The following B4GALT4 variants were observed in gnomAD, a reference collection of about 807,000 sequenced individuals.
The protein encoded by B4GALT4 is beta-1,4-galactosyltransferase 4, also known as N-acetyllactosamine synthase.
In B4GALT4, 27 loss-of-function variants were observed where a neutral mutation model predicts 37.3. The observed-to-expected ratio is 0.72, with a 90% CI of 0.53 to 1.00. B4GALT4 has a LOEUF of 1.00. B4GALT4 is among the 50% of genes least tolerant of loss of function. B4GALT4 has a pLI of 0.00. For synonymous variants in B4GALT4, 148 were observed against 154.1 expected, an observed-to-expected ratio of 0.96 and a Z score of 0.29; for missense variants, 372 against 413.1, an observed-to-expected ratio of 0.90 and a Z score of 0.86.
At chr3:119,238,054 G>A (rs911792358) in intron 1 of B4GALT4, among the ~76,000 whole-genome samples, 3 of 152,040 alleles carry the variant, frequency 2.0e-5, no homozygotes, top group African/African-American at 7.2e-5. Context: ...ATCACTTGAG[G>A]CCAGGAGTTC....
chr3:119,215,384 C>T (rs2078262539), intron 7 of B4GALT4: 1 of 153,034 alleles, frequency 6.5e-6, no homozygotes, highest in Non-Finnish European at 1.5e-5. Context: ...GCCAGGGACT[C>T]TCGGGCCTTT....
intron 5 of B4GALT4, among the ~76,000 whole-genome samples, chr3:119,222,890 C>G (rs868092191): frequency 6.6e-6 from 1 of 152,178 alleles, no homozygotes; most frequent in African/African-American, 2.4e-5. Flanking sequence ...AGCTTACACA[C>G]AGCCGGGGTT....
chr3:119,219,073 A>G (rs754887191), intron 5 of B4GALT4, among the ~76,000 whole-genome samples: 6 of 152,194 alleles, frequency 3.9e-5, no homozygotes, highest in Non-Finnish European at 8.8e-5. Context: ...TCAGATATTG[A>G]TAAGATTTCA....
chr3:119,216,415 T>C lies in B4GALT4; in HGVS notation c.798-71A>G, dbSNP rs1050477784. 6.2e-6 allele frequency: 7 copies of C among 1,127,928 alleles called. 1 individual carries two copies. The highest frequency in any genetic ancestry group is 2.2e-5 in the Admixed American group (1 of 45,728). 69.9% of individuals were successfully genotyped at this position (1,127,928 alleles called of 1,614,324 possible). On this transcript the variant is annotated intron_variant, in intron 6 of 7. Coordinates refer to ENST00000393765, the MANE Select transcript of B4GALT4 (RefSeq NM_003778.4). ...ACCACTAGGCAAATAAAAAGCATCA[T>C]TTGCGAAAATTTATACACACACACG... is the stretch of plus-strand genomic sequence containing the variant.
chr3:119,229,758 C>T, intron 3 of B4GALT4, 89 bp downstream of exon 3: 6 of 1,336,720 alleles, frequency 4.5e-6, no homozygotes, highest in African/African-American at 1.5e-5. Flanking sequence ...TTATGGGGTA[C>T]ATGAGATGTT....
intron 5 of B4GALT4, among the ~76,000 whole-genome samples, chr3:119,220,023 G>A (rs2078404096): frequency 6.6e-6 from 1 of 152,156 alleles, no homozygotes; most frequent in Non-Finnish European, 1.5e-5. Context: ...CAAACAAGTG[G>A]CATCCCAAAA....
At chr3:119,224,853 T>G (rs577891693) in intron 4 of B4GALT4, among the ~76,000 whole-genome samples, 1 of 152,340 alleles carries the variant, frequency 6.6e-6, no homozygotes, top group South Asian at 2.1e-4. Context: ...AAATTTTCTC[T>G]TAAAATTTTA....
At chr3:119,237,369 G>A (rs2079015457) in intron 1 of B4GALT4, among the ~76,000 whole-genome samples, 1 of 152,202 alleles carries the variant, frequency 6.6e-6, no homozygotes, top group Admixed American at 6.5e-5. Flanking sequence ...ATGCATGAAT[G>A]GCTTTTGACA....
In B4GALT4 at chr3:119,226,961, G is replaced by A. The variant is rs781226310; in HGVS notation, c.334C>T (p.Arg112Trp). ...GCTTTACATTCCTGAGGGCGATACC[G>A]GCCTCTGGACACTTTGGGATTTTCT... is the stretch of plus-strand genomic sequence containing the variant. ...QAENPKVSRG[R>W]YRPQECKALQ... Residue 112 changes from arginine to tryptophan, a missense_variant, in exon 4 of 8, where the codon CGG (arginine) becomes TGG (tryptophan). Physicochemically the swap from Arg to Trp is moderately radical, Grantham distance 101 (BLOSUM62 -3). Transcript: ENST00000393765. 22 of 1,614,010 alleles carry A rather than the reference G, an allele frequency of 1.4e-5. No homozygotes were observed. Among genetic ancestry groups the A allele is most frequent in the Middle Eastern group, 1.6e-4 (1 of 6,084 alleles).
chr3:119,232,744 A>C (rs1373955575), intron 2 of B4GALT4, among the ~76,000 whole-genome samples: 1 of 152,186 alleles, frequency 6.6e-6, no homozygotes, highest in African/African-American at 2.4e-5. Flanking sequence ...AGGATTGGCA[A>C]TTTTTAAAAT....
chr3:119,239,220 G>A (rs2079074843), intron 1 of B4GALT4, among the ~76,000 whole-genome samples: 1 of 151,792 alleles, frequency 6.6e-6, no homozygotes. Flanking sequence ...CAGCTACTCG[G>A]GAGGCTGAGG....
rs761517196 is a variant in B4GALT4 at position 119,229,860 on chromosome 3, C to T, written c.240G>A (p.Val80=). ...AGCAACACTTACTGAGGTAAGGAGA[C>T]ACAGAAGGGCAGTTGTCAAGTTCTA... ...KKVELDNCPS[V]SPYLRGQSKL... is the part of the protein sequence containing the mutation. The change falls in exon 3 of 8, where the codon GTG becomes GTA. Residue 80 remains valine, a synonymous_variant. Coordinates refer to ENST00000393765, the MANE Select transcript of B4GALT4 (RefSeq NM_003778.4). 15 of 1,613,966 alleles carry T rather than the reference C, an allele frequency of 9.3e-6. No individual in the cohort carries two copies. Among genetic ancestry groups the T allele is most frequent in the Middle Eastern group, 3.3e-4 (2 of 6,084 alleles).
At chr3:119,221,498 C>T (rs1005436435) in intron 5 of B4GALT4, among the ~76,000 whole-genome samples, 1 of 152,222 alleles carries the variant, frequency 6.6e-6, no homozygotes, top group African/African-American at 2.4e-5. Flanking sequence ...TGGAAATGAA[C>T]TTGCCTGCCA....
chr3:119,219,246 G>C (rs777384994), intron 5 of B4GALT4, among the ~76,000 whole-genome samples: 3 of 152,148 alleles, frequency 2.0e-5, no homozygotes, highest in Non-Finnish European at 4.4e-5. Flanking sequence ...GCAGGAGACA[G>C]CTCCCGCACA....
At chr3:119,220,042 G>T (rs1328178940) in intron 5 of B4GALT4, among the ~76,000 whole-genome samples, 2 of 152,202 alleles carry the variant, frequency 1.3e-5, no homozygotes, top group East Asian at 3.8e-4. Flanking sequence ...AAGCTAATCT[G>T]TAGTTCAGTT....
chr3:119,235,196 AAT>A (rs1267291656), intron 2 of B4GALT4: 2 of 152,232 alleles, frequency 1.3e-5, no homozygotes, highest in Admixed American at 6.5e-5. Context: ...GATTTTCCAT[AAT>A]AGTTTTTAAA....
At position 119,218,688 on chromosome 3, in the gene B4GALT4, G is replaced by A. The variant is rs1489510424; in HGVS notation, c.759C>T (p.Tyr253=). The change falls in exon 6 of 8, where the codon TAC becomes TAT. Residue 253 remains tyrosine (Y), a synonymous_variant. Transcript: ENST00000393765. The part of the protein sequence containing the change: ...FFKVNGFSNN[Y]WGWGGEDDDL... ...CATCGTCTTCGCCTCCCCATCCCCA[G>A]TAGTTGTTAGAGAATCCATTCACCT... The A allele has an allele frequency of 1.9e-6, 3 of 1,614,072 alleles. No individual in the cohort carries two copies. Among genetic ancestry groups the A allele is most frequent in the African/African-American group, 1.3e-5 (1 of 74,916 alleles).
rs559283197 is a variant in B4GALT4 at position 119,212,401 on chromosome 3, G to A, written c.*148C>T. On this transcript the variant is annotated 3_prime_UTR_variant, in exon 8 of 8. Coordinates refer to ENST00000393765, the MANE Select transcript of B4GALT4 (RefSeq NM_003778.4). ...TGTTTTATACTCTACATCACCAGGAGCTCTGCTAAGAAAATACAAAAAGGA... is the reference window on the plus strand; with the variant it reads ...TGTTTTATACTCTACATCACCAGGAACTCTGCTAAGAAAATACAAAAAGGA... 16 of 720,666 alleles carry A rather than the reference G, an allele frequency of 2.2e-5. No homozygotes were observed. The highest frequency in any genetic ancestry group is 2.4e-4 in the Middle Eastern group (1 of 4,120). 44.6% of individuals were successfully genotyped at this position (720,666 alleles called of 1,614,324 possible).
At chr3:119,236,567 T>C (rs2107547368) in intron 2 of B4GALT4, among the ~76,000 whole-genome samples, 1 of 152,318 alleles carries the variant, frequency 6.6e-6, no homozygotes, top group Middle Eastern at 3.4e-3. Flanking sequence ...AGAATCATTG[T>C]TTTTGTATTC....
Sources: gnomAD v4.1 joint callset for allele counts (sites outside exome capture counted in the v4.1 genomes callset) on GRCh38, gnomAD v4.1.1 for gene constraint, MANE v1.5 for transcripts, NCBI Gene and HGNC (gene_info 2026-07-23, HGNC 2026-07-21) for gene names.